ZNF420: variants seen among roughly 807,000 people sequenced by gnomAD.
ZNF420 encodes zinc finger protein 420.
ZNF420 carries 31 observed loss-of-function variants against 44.7 expected under a neutral mutation model. The observed-to-expected ratio is 0.69, with a 90% confidence interval of 0.52 to 0.94. The LOEUF (loss-of-function observed/expected upper bound fraction) is 0.94, where lower values mean the gene tolerates loss of function less well. Among genes scored for constraint, ZNF420 ranks in the 40% least tolerant of loss-of-function variants. The pLI, the probability that ZNF420 is intolerant of heterozygous loss-of-function variation, is 0.00. For missense variants in ZNF420, 681 were observed against 827.9 expected (o/e 0.82, Z 2.18); for synonymous variants, 245 against 267.4 (o/e 0.92, Z 0.82).
intron 1 of ZNF420, among the ~76,000 whole-genome samples, chr19:37,032,441 G>T (rs768247883): frequency 2.7e-5 from 4 of 150,736 alleles, no homozygotes; most frequent in African/African-American, 9.8e-5. Flanking sequence ...GGAGGTGGAG[G>T]TTGCAGTGAG....
intron 1 of ZNF420, among the ~76,000 whole-genome samples, chr19:37,021,036 T>C (rs2074644555): frequency 2.0e-5 from 3 of 152,238 alleles, no homozygotes. Context: ...TGACACCAAA[T>C]TTTATGTGTA....
At chr19:37,120,140 G>C (rs1970944964) in intron 4 of ZNF420, among the ~76,000 whole-genome samples, 1 of 152,182 alleles carries the variant, frequency 6.6e-6, no homozygotes, top group Non-Finnish European at 1.5e-5. Context: ...GCATCATCCT[G>C]ATACCAAAGC....
intron 1 of ZNF420, among the ~76,000 whole-genome samples, chr19:37,037,644 G>A (rs1482865920): frequency 2.0e-5 from 3 of 152,154 alleles, no homozygotes; most frequent in South Asian, 2.1e-4. Context: ...TGGACAGTTC[G>A]GGAAGACTTT....
At chr19:37,025,655 G>C (rs749877010) in intron 1 of ZNF420, among the ~76,000 whole-genome samples, 11 of 151,792 alleles carry the variant, frequency 7.2e-5, no homozygotes, top group East Asian at 3.9e-4. Flanking sequence ...GCACCAAGAT[G>C]TTGACATCTC....
chr19:37,123,311 TTTTAAA>T (rs1385715068), intron 4 of ZNF420, among the ~76,000 whole-genome samples: 1 of 152,204 alleles, frequency 6.6e-6, no homozygotes, highest in Admixed American at 6.5e-5. Context: ...AAAGTCGATT[TTTTAAA>T]GATGGCTGAG....
At position 37,127,299 on chromosome 19, in the gene ZNF420, AGAAG is replaced by A; in HGVS notation, c.312_315del (p.Lys104AsnfsTer7). On this transcript the variant is annotated frameshift_variant, in exon 5 of 5. Transcript: ENST00000337995. LOFTEE classifies it low-confidence loss of function (END_TRUNC). ...AAGATGGAGAAGCAACAAGAAAATC[AGAAG>A]GAATATTTCAGGCAAGGGATGATCA... 1 of 1,613,438 alleles carries A rather than the reference AGAAG, an allele frequency of 6.2e-7. No homozygotes were observed. The highest frequency in any genetic ancestry group is 1.3e-5 in the African/African-American group (1 of 75,032).
At chr19:37,065,922 C>T (rs1303560297) in intron 1 of ZNF420, among the ~76,000 whole-genome samples, 1 of 152,140 alleles carries the variant, frequency 6.6e-6, no homozygotes, top group Non-Finnish European at 1.5e-5. Context: ...ACTTCAACCC[C>T]TACCTGCCAC....
At position 37,129,405 on chromosome 19, in the gene ZNF420, A is replaced by AC. The variant is rs1277598272; in HGVS notation, c.*349dup. 9.3e-6 allele frequency: 2 copies of AC among 215,780 alleles called. No homozygotes were observed. Among genetic ancestry groups the AC allele is most frequent in the African/African-American group, 4.6e-5 (2 of 43,186 alleles). The allele number at this position is 215,780 out of a possible 1,614,324, so 13.4% of individuals were successfully genotyped here. On this transcript the variant is annotated 3_prime_UTR_variant, in exon 5 of 5. Transcript: ENST00000337995. ...CCTTGGTTTAATCATTTTAAGATAG[A>AC]CCTAAGTATATTACCTTTATTGTAA...
chr19:37,021,678 CCTGTAAT>C (rs2074649479), intron 1 of ZNF420, among the ~76,000 whole-genome samples: 1 of 151,994 alleles, frequency 6.6e-6, no homozygotes, highest in South Asian at 2.1e-4. Flanking sequence ...GTGGCTCACA[CCTGTAAT>C]CTCAGCACTT....
At chr19:37,069,436 TG>T (rs1214095952) in intron 1 of ZNF420, among the ~76,000 whole-genome samples, 1 of 152,176 alleles carries the variant, frequency 6.6e-6, no homozygotes, top group Non-Finnish European at 1.5e-5. Flanking sequence ...CTGGACTCAA[TG>T]GGGTTATGCC....
At chr19:37,014,303 G>A (rs1055568213) in intron 1 of ZNF420, among the ~76,000 whole-genome samples, 1 of 152,106 alleles carries the variant, frequency 6.6e-6, no homozygotes, top group African/African-American at 2.4e-5. Context: ...ATGAAACAGG[G>A]AATTTTCAGC....
intron 4 of ZNF420, chr19:37,108,210 A>T (rs565923635): frequency 1.8e-4 from 28 of 152,330 alleles, no homozygotes; most frequent in African/African-American, 6.5e-4. Context: ...TGTAGTTGTG[A>T]CTGCGATTAA....
chr19:37,090,017 G>A (rs951565859), intron 3 of ZNF420, among the ~76,000 whole-genome samples: 12 of 152,028 alleles, frequency 7.9e-5, no homozygotes, highest in Non-Finnish European at 1.8e-4. Context: ...ATTTTATAAG[G>A]TTTTACAGAA....
At chr19:37,032,073 G>A (rs1006229147) in intron 1 of ZNF420, among the ~76,000 whole-genome samples, 3 of 152,042 alleles carry the variant, frequency 2.0e-5, no homozygotes, top group East Asian at 1.9e-4. Flanking sequence ...TAGACCGTGC[G>A]GTGGCTAACG....
chr19:37,059,822 C>G (rs569751137), intron 1 of ZNF420, among the ~76,000 whole-genome samples: 61 of 151,838 alleles, frequency 4.0e-4, no homozygotes, highest in Non-Finnish European at 6.6e-4. Flanking sequence ...CACTCTATCT[C>G]TGTGTGTGTG....
At chr19:37,064,957 C>G (rs750250150) in intron 1 of ZNF420, among the ~76,000 whole-genome samples, 1 of 152,104 alleles carries the variant, frequency 6.6e-6, no homozygotes, top group Non-Finnish European at 1.5e-5. Flanking sequence ...GTAGAGGCTG[C>G]GAAGGCCCGA....
At chr19:37,041,359 C>T (rs1376748026) in intron 1 of ZNF420, among the ~76,000 whole-genome samples, 2 of 151,526 alleles carry the variant, frequency 1.3e-5, no homozygotes, top group African/African-American at 4.8e-5. Flanking sequence ...TTTATATACC[C>T]AATTTTGCTT....
chr19:37,012,551 G>C (rs1363931276), intron 1 of ZNF420, among the ~76,000 whole-genome samples: 1 of 152,196 alleles, frequency 6.6e-6, no homozygotes, highest in Non-Finnish European at 1.5e-5. Context: ...GGCGGAGTCT[G>C]GGGGAAGCAG....
chr19:37,036,438 T>C (rs1233569322), intron 1 of ZNF420, among the ~76,000 whole-genome samples: 1 of 152,154 alleles, frequency 6.6e-6, no homozygotes, highest in African/African-American at 2.4e-5. Context: ...GTCCCAGATA[T>C]GTGTTGTTCC....
Sources: gnomAD v4.1 joint callset for allele counts (sites outside exome capture counted in the v4.1 genomes callset) on GRCh38, gnomAD v4.1.1 for gene constraint, MANE v1.5 for transcripts, NCBI Gene and HGNC (gene_info 2026-07-23, HGNC 2026-07-21) for gene names.